Variants in SORT1 observed in about 807,000 individuals in gnomAD.
The protein encoded by SORT1 is sortilin 1.
Under a neutral mutation model 101.7 loss-of-function variants are expected in SORT1, and 39 were observed. The ratio of observed to expected loss-of-function variants is 0.38; its 90% confidence interval spans 0.30 to 0.50. The LOEUF is 0.50. SORT1 is among the 20% of genes least tolerant of loss of function. The pLI is 0.90. For missense variants in SORT1, 878 were observed against 1,040.4 expected (o/e 0.84, Z 2.15); for synonymous variants, 396 against 393.7 (o/e 1.01, Z -0.07).
At chr1:109,355,598 T>C in intron 3 of SORT1, 129 bp from the exon 4 acceptor site, 1 of 541,948 alleles carries the variant, frequency 1.8e-6, no homozygotes, top group African/African-American at 1.9e-5. Context: ...AATAGCCACA[T>C]TCCTAGCTCC....
chr1:109,326,506 CACACATACACATATATAT>C (rs1346265308), intron 13 of SORT1, among the ~76,000 whole-genome samples: 1 of 53,442 alleles, frequency 1.9e-5, no homozygotes, highest in Non-Finnish European at 4.0e-5. Context: ...CACATATATA[CACACATACACATATATAT>C]ACACATATAT....
chr1:109,351,239 G>C (rs1649938159), intron 5 of SORT1, among the ~76,000 whole-genome samples: 1 of 152,342 alleles, frequency 6.6e-6, no homozygotes. Context: ...CACTGTACCA[G>C]ATGTTGCACT....
chr1:109,382,614 T>A (rs1422181777), intron 1 of SORT1, among the ~76,000 whole-genome samples: 1 of 152,162 alleles, frequency 6.6e-6, no homozygotes, highest in African/African-American at 2.4e-5. Context: ...CAGAGTCACA[T>A]TCAGAGCCTT....
chr1:109,380,808 C>T (rs988064336), intron 1 of SORT1, among the ~76,000 whole-genome samples: 7 of 100,042 alleles, frequency 7.0e-5, no homozygotes, highest in South Asian at 3.4e-4. Flanking sequence ...AAAACCCTGT[C>T]GCCACAAAAA....
chr1:109,347,598 C>T, intron 6 of SORT1, 66 bp from the exon 7 acceptor site: 1 of 1,132,136 alleles, frequency 8.8e-7, no homozygotes, highest in Non-Finnish European at 1.3e-6. Flanking sequence ...GTTGACCTTA[C>T]TCACAAACTT....
At chr1:109,318,882 T>G (rs933656325) in intron 15 of SORT1, among the ~76,000 whole-genome samples, 9 of 152,188 alleles carry the variant, frequency 5.9e-5, no homozygotes, top group African/African-American at 1.4e-4. Context: ...TGGGCTCAAG[T>G]GATCTGTCCA....
chr1:109,316,713 C>A, intron 17 of SORT1, 137 bp downstream of exon 17: 1 of 587,528 alleles, frequency 1.7e-6, no homozygotes, highest in South Asian at 2.2e-5. Flanking sequence ...TAACAGCTTC[C>A]TGTATAAGGG....
intron 8 of SORT1, 87 bp from the exon 9 acceptor site, chr1:109,342,245 C>T: frequency 1.0e-6 from 1 of 994,768 alleles, no homozygotes; most frequent in Non-Finnish European, 1.5e-6. Context: ...TAAATAACTA[C>T]TATTATCCAT....
At chr1:109,314,219 T>C in intron 19 of SORT1, 42 bp downstream of exon 19, 1 of 1,101,674 alleles carries the variant, frequency 9.1e-7, no homozygotes, top group Non-Finnish European at 1.3e-6. Flanking sequence ...CTTGTATTTT[T>C]TGGGGGGGGG....
chr1:109,391,601 T>C (rs1376950857), intron 1 of SORT1, among the ~76,000 whole-genome samples: 1 of 152,216 alleles, frequency 6.6e-6, no homozygotes, highest in Non-Finnish European at 1.5e-5. Flanking sequence ...AGATTGAGAT[T>C]GGGGATAGAG....
At chr1:109,342,781 T>C (rs1165988345) in intron 8 of SORT1, among the ~76,000 whole-genome samples, 2 of 152,090 alleles carry the variant, frequency 1.3e-5, no homozygotes, top group East Asian at 3.8e-4. Context: ...TAGGGAGTAT[T>C]TGGCTGACGA....
chr1:109,392,683 CT>C (rs1274503225), intron 1 of SORT1: 1 of 984,350 alleles, frequency 1.0e-6, no homozygotes, highest in Admixed American at 6.1e-5. Flanking sequence ...GAAGACTAAC[CT>C]TTCCCCAGAT....
intron 11 of SORT1, among the ~76,000 whole-genome samples, chr1:109,334,560 T>C (rs887948584): frequency 2.0e-5 from 3 of 152,152 alleles, no homozygotes; most frequent in African/African-American, 7.2e-5. Context: ...AAAGGGTACA[T>C]AGTTTCAGTT....
At chr1:109,329,833 C>G (rs183199538) in intron 11 of SORT1, among the ~76,000 whole-genome samples, 6 of 152,326 alleles carry the variant, frequency 3.9e-5, no homozygotes, top group Non-Finnish European at 7.3e-5. Context: ...AAAGAGCAAA[C>G]TTGAACAACA....
At chr1:109,344,600 C>T (rs1166328839) in intron 8 of SORT1, among the ~76,000 whole-genome samples, 2 of 152,230 alleles carry the variant, frequency 1.3e-5, no homozygotes, top group African/African-American at 4.8e-5. Context: ...CCATCCTAAA[C>T]AGTCTGTCTA....
At chr1:109,370,320 T>C (rs921154444) in intron 1 of SORT1, among the ~76,000 whole-genome samples, 6 of 152,124 alleles carry the variant, frequency 3.9e-5, no homozygotes, top group Non-Finnish European at 8.8e-5. Context: ...ATAATATATA[T>C]TCATTAAAGA....
At chr1:109,348,674 G>A (rs1649764639) in intron 6 of SORT1, among the ~76,000 whole-genome samples, 2 of 151,690 alleles carry the variant, frequency 1.3e-5, no homozygotes, top group Admixed American at 1.3e-4. Flanking sequence ...TTAATTTTTT[G>A]TAGAGATGGG....
At chr1:109,368,037 T>TA (rs752035391) in intron 2 of SORT1, among the ~76,000 whole-genome samples, 4 of 152,140 alleles carry the variant, frequency 2.6e-5, no homozygotes, top group Non-Finnish European at 2.9e-5. Context: ...CTCACGCCTG[T>TA]AATCACAGCA....
chr1:109,337,276 C>T (rs767969518), intron 10 of SORT1, among the ~76,000 whole-genome samples: 20 of 151,876 alleles, frequency 1.3e-4, no homozygotes, highest in African/African-American at 3.6e-4. Context: ...GATGGATTTT[C>T]GCTCTTGTTG....
Sources: gnomAD v4.1 joint callset for allele counts (sites outside exome capture counted in the v4.1 genomes callset) on GRCh38, gnomAD v4.1.1 for gene constraint, MANE v1.5 for transcripts, NCBI Gene and HGNC (gene_info 2026-07-23, HGNC 2026-07-21) for gene names.